CDH23: variants seen among roughly 807,000 people sequenced by gnomAD.
CDH23 encodes the protein cadherin-23.
Under a neutral mutation model 317.1 loss-of-function variants are expected in CDH23, and 189 were observed. The ratio of observed to expected loss-of-function variants is 0.60; its 90% CI spans 0.53 to 0.67. The LOEUF (loss-of-function observed/expected upper bound fraction) is 0.67. CDH23 is among the 30% of genes least tolerant of loss of function. CDH23 has a pLI of 0.00. For synonymous variants in CDH23, 1,839 were observed against 1,876.8 expected (o/e 0.98, Z 0.52); for missense variants, 4,401 against 4,592.4 (o/e 0.96, Z 1.20).
At chr10:71,548,171 G>T (rs1407662991) in intron 6 of CDH23, among the ~76,000 whole-genome samples, 1 of 152,340 alleles carries the variant, frequency 6.6e-6, no homozygotes, top group South Asian at 2.1e-4. Context: ...GAGCCCAGGG[G>T]ACAGGGCCAC....
intron 1 of CDH23, among the ~76,000 whole-genome samples, chr10:71,427,698 G>T (rs1186096925): frequency 6.6e-6 from 1 of 150,852 alleles, no homozygotes; most frequent in African/African-American, 2.4e-5. Flanking sequence ...GGAGCATAGG[G>T]TAATTCTATG....
intron 1 of CDH23, among the ~76,000 whole-genome samples, chr10:71,416,522 T>G (rs1848540355): frequency 6.6e-6 from 1 of 152,220 alleles, no homozygotes; most frequent in South Asian, 2.1e-4. Flanking sequence ...GCTTACATAT[T>G]TACCCTGATA....
At chr10:71,447,890 T>C (rs1850248057) in intron 3 of CDH23, among the ~76,000 whole-genome samples, 1 of 152,208 alleles carries the variant, frequency 6.6e-6, no homozygotes, top group Non-Finnish European at 1.5e-5. Context: ...GGGGCTGGCA[T>C]GGAGCCAACA....
At chr10:71,713,538 C>T in intron 28 of CDH23, 2 of 499,594 alleles carry the variant, frequency 4.0e-6, no homozygotes, top group South Asian at 4.7e-5. Flanking sequence ...GCATCGGGAC[C>T]AGGAGGCGGG....
chr10:71,596,430 G>C (rs1000036954), intron 9 of CDH23, among the ~76,000 whole-genome samples: 8 of 152,154 alleles, frequency 5.3e-5, no homozygotes, highest in African/African-American at 1.7e-4. Flanking sequence ...TCATTGGATG[G>C]TCATGACAAC....
chr10:71,756,570 A>T (rs9415994), intron 38 of CDH23, among the ~76,000 whole-genome samples: 6,688 of 152,306 alleles, frequency 0.044, 229 homozygotes, highest in African/African-American at 0.091. Flanking sequence ...CTATTGCTAA[A>T]TTGCCCTCCA....
At position 71,734,177 on chromosome 10, in the gene CDH23, A is replaced by G. The variant is rs200349493; in HGVS notation, c.4105-63A>G. On this transcript the variant is annotated intron_variant, in intron 32 of 69. Coordinates refer to ENST00000224721, the MANE Select transcript of CDH23 (RefSeq NM_022124.6). Reference sequence around the variant, plus strand: ...GTGACATGGAGGTGGAAAAGTGGGCAGAATGACCAGGGTTAACAAGGGTGC... The same window carrying G: ...GTGACATGGAGGTGGAAAAGTGGGCGGAATGACCAGGGTTAACAAGGGTGC... The G allele has an allele frequency of 1.6e-4, 220 of 1,368,782 alleles. 1 individual carries two copies. The highest frequency in any genetic ancestry group is 2.1e-4 in the Non-Finnish European group (203 of 977,996). The allele number at this position is 1,368,782 out of a possible 1,614,324, so 84.8% of individuals were successfully genotyped here.
At position 71,751,696 on chromosome 10, in the gene CDH23, G is replaced by A. The variant is rs1439249961; in HGVS notation, c.4845+9775G>A. 1.9e-6 allele frequency: 3 copies of A among 1,551,344 alleles called. No individual in the cohort carries two copies. The highest frequency in any genetic ancestry group is 2.6e-6 in the Non-Finnish European group (3 of 1,152,086). ...GGGATGGGAAGAAGACGTCTCCGGG[G>A]CCTGGAGGAGACAGGGGGGTGCTGG... On this transcript the variant is annotated intron_variant, in intron 38 of 69. Transcript: ENST00000224721. This position sits in a 1 kb window ranked among gnomAD's most constrained non-coding sequence, Gnocchi z 4.9.
chr10:71,553,427 C>T (rs1029972713), intron 6 of CDH23, among the ~76,000 whole-genome samples: 14 of 152,222 alleles, frequency 9.2e-5, no homozygotes, highest in Non-Finnish European at 1.5e-4. Context: ...CACATCACAC[C>T]GCCTGAAGGG....
rs376092633 is a variant in CDH23, at chr10:71,702,199, T to C, written c.2575T>C (p.Ser859Pro). 1.2e-6 allele frequency: 2 copies of C among 1,613,594 alleles called. No homozygotes were observed. The highest frequency in any genetic ancestry group is 2.7e-5 in the African/African-American group (2 of 74,918). ...CGAGCTGATGCGCAAAATCGTCGTC[T>C]CTGTTACTGACTGTATGGACCCCTC... ...EAELMRKIVV[S>P]VTDCGRPPLK... The change falls in exon 23 of 70, where the codon TCT (serine) becomes CCT (proline). Residue 859 changes from serine to proline, a missense_variant. Physicochemically the swap from Ser to Pro is moderately conservative, Grantham distance 74 (BLOSUM62 -1). Transcript: ENST00000224721.
At chr10:71,654,143 C>T (rs1311017055) in intron 14 of CDH23, among the ~76,000 whole-genome samples, 5 of 152,166 alleles carry the variant, frequency 3.3e-5, no homozygotes, top group Non-Finnish European at 5.9e-5. Context: ...GGGACGCAGA[C>T]GATAGTTGCT....
At chr10:71,432,968 C>T (rs1182209203) in intron 1 of CDH23, among the ~76,000 whole-genome samples, 1 of 152,136 alleles carries the variant, frequency 6.6e-6, no homozygotes, top group Admixed American at 6.5e-5. Flanking sequence ...AGGCTCAGGA[C>T]AGTGCGGGAG....
intron 3 of CDH23, among the ~76,000 whole-genome samples, chr10:71,486,482 T>C (rs1852353417): frequency 6.6e-6 from 1 of 151,618 alleles, no homozygotes; most frequent in Non-Finnish European, 1.5e-5. Flanking sequence ...AGGGGACACA[T>C]GACAGGGGCT....
intron 3 of CDH23, among the ~76,000 whole-genome samples, chr10:71,449,148 A>C (rs1305857541): frequency 6.6e-6 from 1 of 152,224 alleles, no homozygotes; most frequent in Non-Finnish European, 1.5e-5. Context: ...TGTGTGGCCC[A>C]GGGATGGCAG....
At chr10:71,535,790 C>T (rs1468396244) in intron 6 of CDH23, among the ~76,000 whole-genome samples, 1 of 152,214 alleles carries the variant, frequency 6.6e-6, no homozygotes, top group Non-Finnish European at 1.5e-5. Context: ...GCCCTGAGGA[C>T]ATGAGGGTTT....
At chr10:71,640,481 G>A (rs1303264721) in intron 11 of CDH23, among the ~76,000 whole-genome samples, 4 of 152,222 alleles carry the variant, frequency 2.6e-5, no homozygotes, top group East Asian at 3.8e-4. Flanking sequence ...CGGGAGCGGT[G>A]GCTCACGCCT....
At chr10:71,761,619 T>C (rs757167523) in intron 38 of CDH23, 2 of 1,599,596 alleles carry the variant, frequency 1.3e-6, no homozygotes, top group South Asian at 1.1e-5. Flanking sequence ...TGCAGCTCCA[T>C]GGCACCATGG....
chr10:71,742,491 T>C lies in CDH23; in HGVS notation c.4845+570T>C, dbSNP rs546711556. Among the ~76,000 whole-genome samples the C allele has an allele frequency of 1.2e-3, 176 of 152,318 alleles. 1 individual carries two copies. The highest frequency in any genetic ancestry group is 4.2e-3 in the African/African-American group (174 of 41,558). On this transcript the variant is annotated intron_variant, in intron 38 of 69. Coordinates refer to ENST00000224721, the MANE Select transcript of CDH23 (RefSeq NM_022124.6). ...AAAGTTTGCCAGGTGAGGGAAGGAC[T>C]TGTGGTCCTCAAGGGCTGGATGGAG...
chr10:71,483,746 C>T (rs1852194020), intron 3 of CDH23, among the ~76,000 whole-genome samples: 1 of 152,298 alleles, frequency 6.6e-6, no homozygotes, highest in African/African-American at 2.4e-5. Context: ...ACCCATTTTT[C>T]AGGTGGGGAA....
Sources: gnomAD v4.1 joint callset for allele counts (sites outside exome capture counted in the v4.1 genomes callset) on GRCh38, gnomAD v4.1.1 for gene constraint, Gnocchi (gnomAD v3.1) non-coding constraint, MANE v1.5 for transcripts, NCBI Gene and HGNC (gene_info 2026-07-23, HGNC 2026-07-21) for gene names.